Variants in BLVRA observed in about 807,000 individuals in gnomAD.
BLVRA encodes the protein BVR A.
Under a neutral mutation model 32.8 loss-of-function variants are expected in BLVRA, and 22 were observed. The ratio of observed to expected loss-of-function variants is 0.67; its 90% confidence interval spans 0.48 to 0.96. The LOEUF is 0.96. Ranked by LOEUF, BLVRA falls within the 40% of genes least tolerant of loss-of-function variation. The pLI, the probability that BLVRA is intolerant of heterozygous loss-of-function variation, is 0.00. For missense variants in BLVRA, 323 were observed against 358.1 expected (o/e 0.90, Z 0.79); for synonymous variants, 119 against 141.3 (o/e 0.84, Z 1.12).
chr7:43,780,545 C>T (rs943355436), intron 2 of BLVRA, among the ~76,000 whole-genome samples: 3 of 152,176 alleles, frequency 2.0e-5, no homozygotes, highest in Admixed American at 2.0e-4. Flanking sequence ...CACTTCCTCA[C>T]TTACCTAATT....
chr7:43,790,239 C>T (rs991129800), intron 3 of BLVRA, among the ~76,000 whole-genome samples: 2 of 152,054 alleles, frequency 1.3e-5, no homozygotes, highest in Admixed American at 6.6e-5. Context: ...ACTGCTGGGG[C>T]TTTGGCTCTT....
chr7:43,793,821 A>T (rs2095788805), intron 5 of BLVRA, among the ~76,000 whole-genome samples: 1 of 151,582 alleles, frequency 6.6e-6, no homozygotes, highest in South Asian at 2.1e-4. Flanking sequence ...ATGGGGTTTC[A>T]CGATGTTGGA....
At chr7:43,763,479 C>T (rs1295422685) in intron 1 of BLVRA, among the ~76,000 whole-genome samples, 4 of 152,140 alleles carry the variant, frequency 2.6e-5, no homozygotes, top group Non-Finnish European at 5.9e-5. Flanking sequence ...TGTCTTTCTG[C>T]CTCTGCAGAA....
At chr7:43,806,876 G>T in intron 7 of BLVRA, 101 bp from the exon 8 acceptor site, 1 of 1,374,946 alleles carries the variant, frequency 7.3e-7, no homozygotes, top group East Asian at 2.3e-5. Flanking sequence ...GAGGATGGGT[G>T]CCTGACAAGG....
At chr7:43,786,068 G>T (rs190970441) in intron 2 of BLVRA, among the ~76,000 whole-genome samples, 1 of 151,978 alleles carries the variant, frequency 6.6e-6, no homozygotes, top group Non-Finnish European at 1.5e-5. Context: ...TTGTCTAAAC[G>T]TTTCAACTAA....
At chr7:43,791,686 C>T in intron 4 of BLVRA, 1 of 315,366 alleles carries the variant, frequency 3.2e-6, no homozygotes, top group Non-Finnish European at 6.2e-6. Flanking sequence ...CCTCCTTCTT[C>T]TCACCAGACA....
intron 6 of BLVRA, among the ~76,000 whole-genome samples, chr7:43,802,131 TG>T (rs1161703300): frequency 8.5e-5 from 13 of 152,064 alleles, no homozygotes; most frequent in African/African-American, 3.1e-4. Context: ...AACGAGACTC[TG>T]TCTCAAAAAC....
chr7:43,789,460 A>G (rs2095782688), intron 3 of BLVRA, among the ~76,000 whole-genome samples: 1 of 152,172 alleles, frequency 6.6e-6, no homozygotes, highest in South Asian at 2.1e-4. Context: ...TAAGATTCCA[A>G]GGGAGCTGCA....
chr7:43,762,189 G>T (rs1427424954), intron 1 of BLVRA, among the ~76,000 whole-genome samples: 3 of 152,072 alleles, frequency 2.0e-5, no homozygotes, highest in Non-Finnish European at 2.9e-5. Context: ...TTTCAACTCT[G>T]GCACTGTTGA....
At chr7:43,803,935 T>TAGAC (rs1019012447) in intron 7 of BLVRA, 88 bp downstream of exon 7, 2 of 1,493,982 alleles carry the variant, frequency 1.3e-6, no homozygotes, top group African/African-American at 1.4e-5. Flanking sequence ...CCCGAGGGGC[T>TAGAC]AGACCCTCAC....
intron 5 of BLVRA, 117 bp from the exon 6 acceptor site, chr7:43,800,348 C>T: frequency 1.0e-6 from 1 of 963,220 alleles, no homozygotes. Context: ...TGGCCATGTG[C>T]CCAGGGCAGT....
intron 2 of BLVRA, among the ~76,000 whole-genome samples, chr7:43,773,210 C>G (rs141732764): frequency 2.0e-5 from 3 of 151,920 alleles, no homozygotes; most frequent in Non-Finnish European, 4.4e-5. Context: ...CATATGTATA[C>G]ATGTGCCATG....
At chr7:43,784,200 G>A (rs1380130835) in intron 2 of BLVRA, among the ~76,000 whole-genome samples, 1 of 152,260 alleles carries the variant, frequency 6.6e-6, no homozygotes, top group South Asian at 2.1e-4. Context: ...AGGGCTATTT[G>A]TAGTGGCATT....
intron 6 of BLVRA, 80 bp from the exon 7 acceptor site, chr7:43,803,596 C>CG: frequency 7.0e-6 from 10 of 1,421,698 alleles, no homozygotes; most frequent in South Asian, 3.4e-5. Flanking sequence ...TTCACACCCC[C>CG]GCCACCCCCA....
At chr7:43,785,065 G>A (rs1425444229) in intron 2 of BLVRA, among the ~76,000 whole-genome samples, 1 of 152,090 alleles carries the variant, frequency 6.6e-6, no homozygotes, top group Non-Finnish European at 1.5e-5. Context: ...TTAAAAAGCA[G>A]TTTGGCTTAT....
chr7:43,783,431 C>T (rs745992841), intron 2 of BLVRA, among the ~76,000 whole-genome samples: 5 of 152,172 alleles, frequency 3.3e-5, no homozygotes, highest in East Asian at 1.9e-4. Context: ...TTCTTTCACC[C>T]GATCATCTAT....
intron 1 of BLVRA, among the ~76,000 whole-genome samples, chr7:43,763,483 T>C (rs1397187848): frequency 6.6e-6 from 1 of 152,202 alleles, no homozygotes; most frequent in Non-Finnish European, 1.5e-5. Flanking sequence ...TTTCTGCCTC[T>C]GCAGAATGAA....
intron 5 of BLVRA, among the ~76,000 whole-genome samples, chr7:43,794,497 G>A (rs964699324): frequency 1.3e-5 from 2 of 152,136 alleles, no homozygotes; most frequent in African/African-American, 2.4e-5. Context: ...GACTTGGGGA[G>A]GCCGAGGCAA....
rs770789238 is a variant in BLVRA at position 43,803,820 on chromosome 7, C to A, written c.605C>A (p.Thr202Lys). The A allele has an allele frequency of 1.9e-6, 3 of 1,614,068 alleles. No individual in the cohort carries two copies. The South Asian group carries it at 3.3e-5, about 18-fold the overall frequency. Reference sequence around the variant, plus strand: ...AAGGAAGATCAGTATATGAAAATGACAGTGTGTCTGGAGACAGAGAAGAAA... The same window carrying A: ...AAGGAAGATCAGTATATGAAAATGAAAGTGTGTCTGGAGACAGAGAAGAAA... ...ERKEDQYMKMTVCLETEKKSP... is the reference protein window; with the variant it reads ...ERKEDQYMKMKVCLETEKKSP... Residue 202 changes from threonine to lysine, a missense_variant, in exon 7 of 8, where the codon ACA (threonine) becomes AAA (lysine). By Grantham distance (78) the Thr-to-Lys change is moderately conservative. Coordinates refer to ENST00000265523, the MANE Select transcript of BLVRA (RefSeq NM_000712.4).
Sources: allele counts gnomAD v4.1 joint callset (sites outside exome capture counted in the v4.1 genomes callset), GRCh38; gene constraint gnomAD v4.1.1; transcripts MANE v1.5; gene names NCBI Gene and HGNC (gene_info 2026-07-23, HGNC 2026-07-21).